Variants in SLC26A8 observed in about 807,000 individuals in gnomAD.
SLC26A8 encodes the protein testis anion transporter 1.
Under a neutral mutation model 105.0 loss-of-function variants are expected in SLC26A8, and 70 were observed. The ratio of observed to expected loss-of-function variants is 0.67; its 90% CI spans 0.55 to 0.81. SLC26A8 has a LOEUF of 0.81. Among genes scored for constraint, SLC26A8 ranks in the 40% least tolerant of loss-of-function variants. The pLI, the probability that SLC26A8 is intolerant of heterozygous loss-of-function variation, is 0.00. For missense variants in SLC26A8, 998 were observed against 1,181.8 expected (o/e 0.84, Z 2.28); for synonymous variants, 415 against 438.3 (o/e 0.95, Z 0.66).
intron 2 of SLC26A8, among the ~76,000 whole-genome samples, chr6:36,017,080 A>C (rs1762012795): frequency 6.6e-6 from 1 of 152,034 alleles, no homozygotes; most frequent in Admixed American, 6.6e-5. Context: ...ATGAGGCAGG[A>C]GAATCGCTTG....
At position 35,972,393 on chromosome 6, in the gene SLC26A8, GA is replaced by G. The variant is rs112299073; in HGVS notation, c.1287+2981del. ...GACAACATAGTGAGACCCTGTCTCTGAAAAAAAAAAAAAAATCATAAGGCCT... is the reference window on the plus strand; with the variant it reads ...GACAACATAGTGAGACCCTGTCTCTGAAAAAAAAAAAAAATCATAAGGCCT... On this transcript the variant is annotated intron_variant, in intron 10 of 19. Transcript: ENST00000490799. Among the ~76,000 whole-genome samples, 774 of 133,594 alleles carry G rather than the reference GA, an allele frequency of 5.8e-3. 4 individuals are homozygous for G. Among genetic ancestry groups the G allele is most frequent in the African/African-American group, 0.013 (500 of 37,160 alleles). 87.6% of individuals were successfully genotyped at this position (133,594 alleles called of 152,430 possible). A position where few individuals can be genotyped will look rare whatever the true frequency, so the allele number is the denominator to read the frequency against.
intron 10 of SLC26A8, among the ~76,000 whole-genome samples, chr6:35,975,099 G>T (rs1772951257): frequency 6.6e-6 from 1 of 152,016 alleles, no homozygotes; most frequent in South Asian, 2.1e-4. Context: ...ATGTTACATG[G>T]AAAGTGGGGT....
chr6:35,997,745 A>T lies in SLC26A8; in HGVS notation c.620T>A (p.Ile207Asn), dbSNP rs781602631. 1 of 1,614,044 alleles carries T rather than the reference A, an allele frequency of 6.2e-7. No homozygotes were observed. Among genetic ancestry groups the T allele is most frequent in the Non-Finnish European group, 8.5e-7 (1 of 1,179,976 alleles). ...TGAAGACTCAGATCCTACCTGAATAATCCCAGTCAGAAAAGTTGTGGTTGC... is the reference window on the plus strand; with the variant it reads ...TGAAGACTCAGATCCTACCTGAATATTCCCAGTCAGAAAAGTTGTGGTTGC... ...VVATTTFLTG[I>N]IQLIMGVLGL... Residue 207 changes from isoleucine to asparagine, a missense_variant, in exon 5 of 20, where the codon ATT (isoleucine) becomes AAT (asparagine). Coordinates refer to ENST00000490799, the MANE Select transcript of SLC26A8 (RefSeq NM_052961.4).
chr6:35,951,396 G>C, intron 18 of SLC26A8, 49 bp from the exon 19 acceptor site: 1 of 1,614,078 alleles, frequency 6.2e-7, no homozygotes, highest in South Asian at 1.1e-5. Flanking sequence ...TTGGGGAGCA[G>C]AGGACCCAGG....
intron 17 of SLC26A8, among the ~76,000 whole-genome samples, chr6:35,953,465 G>A (rs866399058): frequency 2.6e-5 from 4 of 152,220 alleles, no homozygotes; most frequent in South Asian, 4.1e-4. Context: ...TCTCAAGGCA[G>A]TTGTGAAAAT....
chr6:35,947,536 G>A (rs748688832), intron 19 of SLC26A8, among the ~76,000 whole-genome samples: 1 of 152,180 alleles, frequency 6.6e-6, no homozygotes, highest in Non-Finnish European at 1.5e-5. Flanking sequence ...GGAATTAACA[G>A]TGAAACCTCT....
At chr6:36,017,929 C>T (rs1456943901) in intron 2 of SLC26A8, among the ~76,000 whole-genome samples, 2 of 152,106 alleles carry the variant, frequency 1.3e-5, no homozygotes, top group Non-Finnish European at 2.9e-5. Flanking sequence ...TACTCATCAC[C>T]TTTAGTCATC....
At chr6:35,960,646 G>C (rs1256430980) in intron 14 of SLC26A8, 197 bp downstream of exon 14, 1 of 614,734 alleles carries the variant, frequency 1.6e-6, no homozygotes, top group Non-Finnish European at 2.8e-6. Flanking sequence ...TTGGGTGACA[G>C]AGCAAGACTC....
intron 8 of SLC26A8, among the ~76,000 whole-genome samples, chr6:35,977,562 T>C (rs1044464197): frequency 9.2e-5 from 14 of 152,112 alleles, no homozygotes; most frequent in African/African-American, 3.4e-4. Flanking sequence ...GTTGTTGTGT[T>C]TTGCAGTTCA....
intron 3 of SLC26A8, among the ~76,000 whole-genome samples, chr6:36,003,270 A>G (rs1761578468): frequency 6.6e-6 from 1 of 152,186 alleles, no homozygotes; most frequent in Non-Finnish European, 1.5e-5. Context: ...GTTTTTCTTT[A>G]TAGAGACCCA....
In SLC26A8 at chr6:35,960,904, A is replaced by G. The variant is rs769348959; in HGVS notation, c.1577T>C (p.Ile526Thr). 3.1e-6 allele frequency: 5 copies of G among 1,614,148 alleles called. No individual in the cohort carries two copies. In the East Asian group the frequency reaches 8.9e-5, roughly 29 times the overall value. The change falls in exon 14 of 20, where the codon ATT becomes ACT. Residue 526 changes from isoleucine to threonine, a missense_variant. Physicochemically the swap from Ile to Thr is moderately conservative, Grantham distance 89 (BLOSUM62 -1). Coordinates refer to ENST00000490799, the MANE Select transcript of SLC26A8 (RefSeq NM_052961.4). ...ITTVRSHRAK[I>T]LLLGQIPNTN... ...GTTAGGGATTTGACCCAGGAGAAGAATCTTAGCTCTGAAAGGAAATGCACT... is the reference window on the plus strand; with the variant it reads ...GTTAGGGATTTGACCCAGGAGAAGAGTCTTAGCTCTGAAAGGAAATGCACT...
chr6:35,947,474 T>C (rs1771715739), intron 19 of SLC26A8, among the ~76,000 whole-genome samples: 1 of 152,166 alleles, frequency 6.6e-6, no homozygotes, highest in Non-Finnish European at 1.5e-5. Context: ...AATTGGAACA[T>C]AAGAGATTAG....
intron 7 of SLC26A8, 144 bp from the exon 8 acceptor site, chr6:35,982,347 G>A: frequency 1.4e-6 from 1 of 723,408 alleles, no homozygotes. Context: ...GTTGGAGAGA[G>A]AGGCATGGCT....
At position 35,989,120 on chromosome 6, in the gene SLC26A8, G is replaced by A. The variant is rs546044074; in HGVS notation, c.942+2539C>T. 1.1e-3 allele frequency among the ~76,000 whole-genome samples: 170 copies of A among 152,212 alleles called. 1 individual carries two copies. Among genetic ancestry groups the A allele is most frequent in the Admixed American group, 1.7e-3 (26 of 15,286 alleles). ...CTCCCAAAGTGCTGGGATTACAAGC[G>A]TGAGCCACCGCACCCGGCCAGTTCT... On this transcript the variant is annotated intron_variant, in intron 7 of 19. Transcript: ENST00000490799.
chr6:35,992,695 G>C, intron 5 of SLC26A8, 21 bp from the exon 6 acceptor site: 1 of 1,586,824 alleles, frequency 6.3e-7, no homozygotes, highest in South Asian at 1.2e-5. Flanking sequence ...GAGAAAACCA[G>C]AGTGGGGTAG....
At chr6:35,953,991 G>C (rs1319684040) in intron 17 of SLC26A8, among the ~76,000 whole-genome samples, 1 of 152,172 alleles carries the variant, frequency 6.6e-6, no homozygotes, top group Non-Finnish European at 1.5e-5. Flanking sequence ...CTCAAAAGAG[G>C]TGTGCAAATC....
At position 35,955,185 on chromosome 6, in the gene SLC26A8, G is replaced by C; in HGVS notation, c.2199C>G (p.Tyr733Ter). The C allele has an allele frequency of 1.2e-6, 2 of 1,614,134 alleles. No homozygotes were observed. The highest frequency in any genetic ancestry group is 1.7e-6 in the Non-Finnish European group (2 of 1,180,032). ...TIILDFSMVH[Y>*]VDSRGLVVLR... is the part of the protein sequence containing the mutation. Reference sequence around the variant, plus strand: ...ATACGACTAACCCCCGTGAATCCACGTAGTGTACCATGGAGAAATCCAGGA... The same window carrying C: ...ATACGACTAACCCCCGTGAATCCACCTAGTGTACCATGGAGAAATCCAGGA... Residue 733 changes from tyrosine (Y) to a stop codon, truncating the protein, a stop_gained, in exon 17 of 20, where the codon TAC becomes TAG. Transcript: ENST00000490799. LOFTEE classifies it high-confidence loss of function.
intron 5 of SLC26A8, among the ~76,000 whole-genome samples, chr6:35,996,559 A>G (rs1424440174): frequency 6.6e-6 from 1 of 151,958 alleles, no homozygotes; most frequent in East Asian, 1.9e-4. Context: ...TATTATTATT[A>G]TTTTGGAGAC....
At chr6:35,978,216 T>C (rs1264460337) in intron 8 of SLC26A8, among the ~76,000 whole-genome samples, 1 of 151,548 alleles carries the variant, frequency 6.6e-6, no homozygotes, top group Non-Finnish European at 1.5e-5. Flanking sequence ...TCTTATCATT[T>C]TAGAAAGTCA....
Sources: allele counts gnomAD v4.1 joint callset (sites outside exome capture counted in the v4.1 genomes callset), GRCh38; gene constraint gnomAD v4.1.1; transcripts MANE v1.5; gene names NCBI Gene and HGNC (gene_info 2026-07-23, HGNC 2026-07-21).